The following PSD3 variants were observed in gnomAD, a reference collection of about 807,000 sequenced individuals.
PSD3 encodes pleckstrin and Sec7 domain containing 3, also known as PH and SEC7 domain-containing protein 3.
Under a neutral mutation model 105.5 loss-of-function variants are expected in PSD3, and 49 were observed. The observed-to-expected ratio is 0.46, with a 90% confidence interval of 0.37 to 0.59. The LOEUF (loss-of-function observed/expected upper bound fraction) is 0.59. Ranked by LOEUF, PSD3 falls within the 20% of genes least tolerant of loss-of-function variation. The probability of loss-of-function intolerance (pLI) is 0.00; values close to 1 mark genes in which losing one functional copy is unlikely to be tolerated. For missense variants in PSD3, 1,561 were observed against 1,263.8 expected, an observed-to-expected ratio of 1.24 and a Z score of -3.57; for synonymous variants, 557 against 457.8, an observed-to-expected ratio of 1.22 and a Z score of -2.77.
intron 14 of PSD3, among the ~76,000 whole-genome samples, chr8:18,565,070 G>C (rs565495197): frequency 6.6e-6 from 1 of 152,140 alleles, no homozygotes; most frequent in Admixed American, 6.5e-5. Flanking sequence ...ACAGTGTAGG[G>C]TTTAAGTGGG....
chr8:19,035,765 G>A (rs1032818205), intron 1 of PSD3, among the ~76,000 whole-genome samples: 1 of 151,178 alleles, frequency 6.6e-6, no homozygotes, highest in Non-Finnish European at 1.5e-5. Flanking sequence ...TTTGGGGGGG[G>A]TGTGGGGGTG....
At chr8:19,028,055 C>A (rs1383930561) in intron 1 of PSD3, among the ~76,000 whole-genome samples, 1 of 152,094 alleles carries the variant, frequency 6.6e-6, no homozygotes, top group Non-Finnish European at 1.5e-5. Flanking sequence ...TGTTGCATTC[C>A]CATCTGCAAT....
chr8:18,552,604 T>G (rs1800833843), intron 15 of PSD3, among the ~76,000 whole-genome samples: 1 of 152,158 alleles, frequency 6.6e-6, no homozygotes, highest in Non-Finnish European at 1.5e-5. Context: ...TGTTTCCCAA[T>G]ATACTAGAAG....
At chr8:18,809,546 T>G (rs1811512447) in intron 4 of PSD3, among the ~76,000 whole-genome samples, 3 of 152,224 alleles carry the variant, frequency 2.0e-5, no homozygotes, top group Admixed American at 2.0e-4. Context: ...CTAGTGTAAG[T>G]ACGTCCCAAA....
intron 11 of PSD3, among the ~76,000 whole-genome samples, chr8:18,604,397 G>C (rs1199233469): frequency 6.6e-6 from 1 of 152,036 alleles, no homozygotes; most frequent in East Asian, 1.9e-4. Context: ...TTCTAAGCAG[G>C]AAAAGTGCTC....
At chr8:18,897,662 T>C (rs1582810) in intron 2 of PSD3, among the ~76,000 whole-genome samples, 7,007 of 152,310 alleles carry the variant, frequency 0.046, 202 homozygotes, top group Admixed American at 0.08. Flanking sequence ...TTTTTGCATA[T>C]GCCTGCTGCA....
chr8:18,935,879 G>C (rs751150348), intron 2 of PSD3, among the ~76,000 whole-genome samples, 155 bp downstream of exon 2: 1 of 152,144 alleles, frequency 6.6e-6, no homozygotes, highest in Non-Finnish European at 1.5e-5. Flanking sequence ...AAATATTTGC[G>C]GATTCTACAT....
chr8:18,829,841 T>C (rs901688334), intron 4 of PSD3, among the ~76,000 whole-genome samples: 2 of 152,192 alleles, frequency 1.3e-5, no homozygotes, highest in African/African-American at 4.8e-5. Context: ...TAAAAAGACA[T>C]TTTTAAAAGA....
intron 8 of PSD3, 86 bp downstream of exon 8, chr8:18,799,209 G>C (rs969371668): frequency 5.0e-6 from 6 of 1,194,374 alleles, no homozygotes; most frequent in Non-Finnish European, 7.5e-6. Flanking sequence ...TGGGAAACGG[G>C]GAGGCAGAAA....
intron 11 of PSD3, among the ~76,000 whole-genome samples, chr8:18,622,287 C>G (rs1806168906): frequency 1.3e-5 from 2 of 152,154 alleles, no homozygotes; most frequent in Non-Finnish European, 2.9e-5. Flanking sequence ...TCCTTTGATT[C>G]ATTTCTTCCC....
At chr8:18,758,376 T>C (rs1202650441) in intron 9 of PSD3, among the ~76,000 whole-genome samples, 1 of 151,698 alleles carries the variant, frequency 6.6e-6, no homozygotes, top group African/African-American at 2.4e-5. Flanking sequence ...CTGAAAGGGG[T>C]AGATGGAACT....
intron 10 of PSD3, among the ~76,000 whole-genome samples, chr8:18,645,269 C>T (rs1807947373): frequency 6.6e-6 from 1 of 152,152 alleles, no homozygotes; most frequent in African/African-American, 2.4e-5. Flanking sequence ...AATCTTTTTC[C>T]TTTAAATACC....
At chr8:18,571,964 T>C (rs1337327406) in intron 14 of PSD3, among the ~76,000 whole-genome samples, 1 of 152,098 alleles carries the variant, frequency 6.6e-6, no homozygotes, top group African/African-American at 2.4e-5. Flanking sequence ...TTTAGTAAGA[T>C]TAATCTGACC....
At chr8:18,769,272 A>G (rs1585904973) in intron 8 of PSD3, among the ~76,000 whole-genome samples, 1 of 152,348 alleles carries the variant, frequency 6.6e-6, no homozygotes, top group East Asian at 1.9e-4. Flanking sequence ...TTTAGTCATC[A>G]GTTAATCACC....
chr8:18,809,088 C>T (rs577590636), intron 4 of PSD3, among the ~76,000 whole-genome samples: 2 of 152,306 alleles, frequency 1.3e-5, no homozygotes, highest in East Asian at 1.9e-4. Context: ...TGATCCCTCT[C>T]GGAGGGGATA....
chr8:18,905,052 C>T (rs966214436), intron 2 of PSD3, among the ~76,000 whole-genome samples: 1 of 152,134 alleles, frequency 6.6e-6, no homozygotes, highest in African/African-American at 2.4e-5. Context: ...AAGAAAGGTA[C>T]TAGCTTTGCA....
chr8:18,686,711 A>T (rs1800680432), intron 9 of PSD3, among the ~76,000 whole-genome samples: 1 of 152,136 alleles, frequency 6.6e-6, no homozygotes, highest in African/African-American at 2.4e-5. Flanking sequence ...TATCTTTGTC[A>T]GTCAGGCCTG....
intron 2 of PSD3, among the ~76,000 whole-genome samples, chr8:18,892,115 T>C (rs935320423): frequency 6.6e-6 from 1 of 152,100 alleles, no homozygotes; most frequent in Non-Finnish European, 1.5e-5. Flanking sequence ...ACTTTTTTTC[T>C]AGCACAGTTG....
intron 11 of PSD3, among the ~76,000 whole-genome samples, chr8:18,611,502 G>C (rs945317325): frequency 2.6e-5 from 4 of 152,124 alleles, no homozygotes; most frequent in African/African-American, 2.4e-5. Flanking sequence ...CCTTGGACAA[G>C]TCACTTAGCC....
Sources: allele counts gnomAD v4.1 joint callset (sites outside exome capture counted in the v4.1 genomes callset), GRCh38; gene constraint gnomAD v4.1.1; transcripts MANE v1.5; gene names NCBI Gene and HGNC (gene_info 2026-07-23, HGNC 2026-07-21).